The following ABCA10 variants were observed in gnomAD, a reference collection of about 807,000 sequenced individuals.
ABCA10 encodes ATP binding cassette subfamily A member 10.
Under a neutral mutation model 187.5 loss-of-function variants are expected in ABCA10, and 169 were observed. That is an observed-to-expected ratio of 0.90 (90% CI 0.80 to 1.02). ABCA10 has a LOEUF of 1.02. ABCA10 is among the 50% of genes least tolerant of loss of function. The pLI is 0.00. For missense variants in ABCA10, 1,727 were observed against 1,812.4 expected (o/e 0.95, Z 0.86); for synonymous variants, 574 against 601.8 (o/e 0.95, Z 0.68).
chr17:69,191,137 A>G (rs1418792936), intron 17 of ABCA10, 39 bp downstream of exon 17: 1 of 1,471,432 alleles, frequency 6.8e-7, no homozygotes, highest in Non-Finnish European at 9.1e-7. Context: ...ACAATCGTGA[A>G]CACTTACATA....
chr17:69,174,285 A>G lies in ABCA10; in HGVS notation c.3158T>C (p.Phe1053Ser). 3.1e-6 allele frequency: 5 copies of G among 1,587,930 alleles called. No homozygotes were observed. The highest frequency in any genetic ancestry group is 3.4e-6 in the Non-Finnish European group (4 of 1,167,944). ...KNNGFWSFGF[F>S]IILICVSTIM... The stretch of plus-strand genomic sequence containing the variant: ...CACGCATGTATATATACTTACAATA[A>G]AAAAGCCAAAAGACCAAAAGCCATT... Residue 1053 changes from phenylalanine (F) to serine (S), a missense_variant, in exon 25 of 39, where the codon TTT becomes TCT. Phe to Ser is a radical substitution (Grantham distance 155, BLOSUM62 -2). Transcript: ENST00000690296.
At chr17:69,194,672 A>T (rs1009714751) in intron 11 of ABCA10, among the ~76,000 whole-genome samples, 177 bp from the exon 12 acceptor site, 1 of 152,232 alleles carries the variant, frequency 6.6e-6, no homozygotes, top group African/African-American at 2.4e-5. Context: ...CAAAGCTTCA[A>T]TTTGGAGAAA....
chr17:69,214,167 G>A (rs1052793454), intron 9 of ABCA10, among the ~76,000 whole-genome samples: 10 of 152,112 alleles, frequency 6.6e-5, no homozygotes, highest in African/African-American at 1.9e-4. Context: ...CTACCTTTAC[G>A]AAAGACAAAA....
intron 27 of ABCA10, among the ~76,000 whole-genome samples, chr17:69,161,331 A>C (rs1005728073): frequency 6.6e-6 from 1 of 152,232 alleles, no homozygotes; most frequent in South Asian, 2.1e-4. Flanking sequence ...TTCTCACAAC[A>C]TTGTAAATAT....
chr17:69,238,155 C>T (rs2074883062), intron 1 of ABCA10, among the ~76,000 whole-genome samples: 1 of 80,398 alleles, frequency 1.2e-5, no homozygotes, highest in Non-Finnish European at 2.6e-5. Flanking sequence ...GAGTGAGACT[C>T]TGTCAAAAAA....
chr17:69,194,506 A>G lies in ABCA10; in HGVS notation c.1235-11T>C. 1 of 1,583,138 alleles carries G rather than the reference A, an allele frequency of 6.3e-7. No homozygotes were observed. The highest frequency in any genetic ancestry group is 8.6e-7 in the Non-Finnish European group (1 of 1,160,944). On this transcript the variant is annotated splice_polypyrimidine_tract_variant and intron_variant, in intron 11 of 38. Transcript: ENST00000690296. ...TGTCAAAAAATATGCCTGTTTTAGAATAAAAAGTGGAAATTAGATTTTGGA... is the reference window on the plus strand; with the variant it reads ...TGTCAAAAAATATGCCTGTTTTAGAGTAAAAAGTGGAAATTAGATTTTGGA...
At chr17:69,186,798 A>G (rs1045196111) in intron 19 of ABCA10, among the ~76,000 whole-genome samples, 9 of 152,184 alleles carry the variant, frequency 5.9e-5, no homozygotes, top group African/African-American at 2.2e-4. Context: ...TCTAGTTTGT[A>G]TAACCTGGCA....
rs145955416 is a variant in ABCA10, at chr17:69,239,633, A to G, written c.-593+4896T>C. Among the ~76,000 whole-genome samples, 8 of 152,198 alleles carry G rather than the reference A, an allele frequency of 5.3e-5. No individual in the cohort carries two copies. The East Asian group carries it at 1.5e-3, about 29-fold the overall frequency. ...AGTTGTTCTGTGTTGAGAGCTCTGCAGTTCTTTTTACAGTAATTGTGTCCC... is the reference window on the plus strand; with the variant it reads ...AGTTGTTCTGTGTTGAGAGCTCTGCGGTTCTTTTTACAGTAATTGTGTCCC... On this transcript the variant is annotated intron_variant, in intron 1 of 39. Coordinates refer to the ABCA10 transcript ENST00000269081.
intron 8 of ABCA10, 89 bp downstream of exon 8, chr17:69,215,726 A>G (rs1598121242): frequency 8.3e-7 from 1 of 1,210,936 alleles, no homozygotes; most frequent in African/African-American, 1.6e-5. Flanking sequence ...AGAGTGGCTG[A>G]TTATTAAATT....
exon 1 of ABCA10, chr17:69,244,624 T>C (rs1048449042): frequency 6.6e-6 from 1 of 151,664 alleles, no homozygotes; most frequent in Admixed American, 6.6e-5. Context: ...AAAAAATCAA[T>C]GTTAGCAAAT....
At chr17:69,213,304 G>A (rs540516829) in intron 9 of ABCA10, among the ~76,000 whole-genome samples, 3 of 151,828 alleles carry the variant, frequency 2.0e-5, no homozygotes, top group African/African-American at 4.8e-5. Context: ...AGCTACCAGC[G>A]GTGGGGAGAA....
At chr17:69,179,218 A>C (rs2015329) in intron 22 of ABCA10, among the ~76,000 whole-genome samples, 4,607 of 152,128 alleles carry the variant, frequency 0.03, 84 homozygotes, top group Non-Finnish European at 0.049. Context: ...ACAAAAAAAA[A>C]ACCTCTATCT....
At chr17:69,238,302 T>A (rs1435115296) in intron 1 of ABCA10, among the ~76,000 whole-genome samples, 2 of 152,106 alleles carry the variant, frequency 1.3e-5, no homozygotes, top group East Asian at 3.9e-4. Context: ...TGTAAGAGAA[T>A]AAGCTTCTGT....
upstream of ABCA10, among the ~76,000 whole-genome samples, chr17:69,229,116 T>C (rs1170412252): frequency 6.6e-6 from 1 of 152,076 alleles, no homozygotes; most frequent in East Asian, 1.9e-4. Flanking sequence ...AGTTAAATGG[T>C]TCCTTGTATT....
intron 7 of ABCA10, 64 bp from the exon 8 acceptor site, chr17:69,216,064 A>G: frequency 1.3e-6 from 2 of 1,567,930 alleles, no homozygotes; most frequent in Non-Finnish European, 1.7e-6. Flanking sequence ...AGCAATATTC[A>G]TCGATTTCTC....
upstream of ABCA10, chr17:69,233,153 A>G (rs1385645757): frequency 6.6e-6 from 1 of 152,058 alleles, no homozygotes; most frequent in East Asian, 1.9e-4. Context: ...TAACCTTCAC[A>G]CTGCTTTGTC....
intron 1 of ABCA10, among the ~76,000 whole-genome samples, chr17:69,236,452 T>C (rs2074871788): frequency 6.6e-6 from 1 of 152,174 alleles, no homozygotes; most frequent in South Asian, 2.1e-4. Context: ...ACCTTGAGAA[T>C]AAGTCTGCAG....
intron 25 of ABCA10, among the ~76,000 whole-genome samples, chr17:69,166,881 A>G (rs2074258117): frequency 6.6e-6 from 1 of 152,176 alleles, no homozygotes; most frequent in Non-Finnish European, 1.5e-5. Context: ...TTAGTAGAAA[A>G]CAGAATCAAG....
intron 30 of ABCA10, 53 bp from the exon 31 acceptor site, chr17:69,154,379 A>C: frequency 7.3e-7 from 1 of 1,360,794 alleles, no homozygotes; most frequent in Non-Finnish European, 1.0e-6. Context: ...GACTAATCTA[A>C]AATTGCTTGG....
Sources: gnomAD v4.1 joint callset for allele counts (sites outside exome capture counted in the v4.1 genomes callset) on GRCh38, gnomAD v4.1.1 for gene constraint, MANE v1.5 for transcripts, NCBI Gene and HGNC (gene_info 2026-07-23, HGNC 2026-07-21) for gene names.